The following NXPH1 variants were observed in gnomAD, a reference collection of about 807,000 sequenced individuals.
NXPH1 encodes the protein neurexophilin-1.
NXPH1 carries 5 observed loss-of-function variants against 23.7 expected under a neutral mutation model. The observed-to-expected ratio is 0.21, with a 90% CI of 0.11 to 0.44. The LOEUF (loss-of-function observed/expected upper bound fraction) is 0.44, where lower values mean the gene tolerates loss of function less well. NXPH1 is among the 20% of genes least tolerant of loss of function. The pLI is 0.99. For synonymous variants in NXPH1, 144 were observed against 122.2 expected (o/e 1.18, Z -1.18); for missense variants, 324 against 321.6 (o/e 1.01, Z -0.06).
intron 2 of NXPH1, among the ~76,000 whole-genome samples, chr7:8,542,314 T>A (rs1818130187): frequency 6.6e-6 from 1 of 151,506 alleles, no homozygotes; most frequent in African/African-American, 2.4e-5. Flanking sequence ...GTATCTAATT[T>A]CAGAGCTTCA....
At chr7:8,724,612 C>T (rs1760729256) in intron 2 of NXPH1, among the ~76,000 whole-genome samples, 2 of 152,152 alleles carry the variant, frequency 1.3e-5, no homozygotes, top group South Asian at 4.1e-4. Flanking sequence ...GTTATGTCTG[C>T]CTCATTCTCT....
chr7:8,537,378 G>T (rs903210408), intron 2 of NXPH1, among the ~76,000 whole-genome samples: 1 of 151,942 alleles, frequency 6.6e-6, no homozygotes, highest in Non-Finnish European at 1.5e-5. Flanking sequence ...TTGACAATTT[G>T]GCATGGCTGG....
At chr7:8,715,704 A>G (rs546835754) in intron 2 of NXPH1, among the ~76,000 whole-genome samples, 2 of 152,296 alleles carry the variant, frequency 1.3e-5, no homozygotes, top group East Asian at 1.9e-4. Context: ...CGGGTTAGAT[A>G]AGAGTCTTCA....
chr7:8,607,017 A>G (rs1050206346), intron 2 of NXPH1, among the ~76,000 whole-genome samples: 1 of 152,118 alleles, frequency 6.6e-6, no homozygotes, highest in African/African-American at 2.4e-5. Flanking sequence ...CTGAGGACAT[A>G]TTTTATTGAA....
chr7:8,688,528 G>A (rs913616481), intron 2 of NXPH1, among the ~76,000 whole-genome samples: 1 of 152,202 alleles, frequency 6.6e-6, no homozygotes, highest in Admixed American at 6.5e-5. Flanking sequence ...GAATTGGGAA[G>A]TACAGTTAAA....
chr7:8,610,788 C>T (rs2128629435), intron 2 of NXPH1, among the ~76,000 whole-genome samples: 1 of 151,634 alleles, frequency 6.6e-6, no homozygotes. Flanking sequence ...TTTTAAATCC[C>T]ATCTCCATAG....
At chr7:8,594,373 GC>G (rs1162946229) in intron 2 of NXPH1, among the ~76,000 whole-genome samples, 1 of 152,070 alleles carries the variant, frequency 6.6e-6, no homozygotes, top group Non-Finnish European at 1.5e-5. Flanking sequence ...ATGGTAAACA[GC>G]TGGTAAAGAT....
chr7:8,474,584 G>A (rs956057735), intron 2 of NXPH1, among the ~76,000 whole-genome samples: 16 of 152,096 alleles, frequency 1.1e-4, no homozygotes, highest in Non-Finnish European at 1.5e-5. Context: ...ACAGGTTGAT[G>A]CTCTGCAAAC....
rs954015112 is a variant in NXPH1 at position 8,611,458 on chromosome 7, T to C, written c.55-139550T>C. ...AAGAAATGAGCATAAAGTAAGAATATTGACAGAGGAAGGGAGACAGAGAAT... is the reference window on the plus strand; with the variant it reads ...AAGAAATGAGCATAAAGTAAGAATACTGACAGAGGAAGGGAGACAGAGAAT... On this transcript the variant is annotated intron_variant, in intron 2 of 2. Transcript: ENST00000405863. Among the ~76,000 whole-genome samples, 4 of 152,200 alleles carry C rather than the reference T, an allele frequency of 2.6e-5. No homozygotes were observed. In the East Asian group the frequency reaches 5.8e-4, roughly 22 times the overall value.
chr7:8,530,163 C>T (rs1007602095), intron 2 of NXPH1, among the ~76,000 whole-genome samples: 3 of 152,138 alleles, frequency 2.0e-5, no homozygotes, highest in Non-Finnish European at 4.4e-5. Flanking sequence ...TGGAAGTGGA[C>T]TTACCCTATG....
At chr7:8,450,164 A>C (rs962704746) in intron 2 of NXPH1, among the ~76,000 whole-genome samples, 1 of 152,314 alleles carries the variant, frequency 6.6e-6, no homozygotes, top group South Asian at 2.1e-4. Flanking sequence ...ATTATTTGCC[A>C]TGTCTTGGCA....
intron 2 of NXPH1, among the ~76,000 whole-genome samples, chr7:8,672,855 G>A (rs1410367579): frequency 6.6e-6 from 1 of 152,060 alleles, no homozygotes; most frequent in Non-Finnish European, 1.5e-5. Flanking sequence ...TACTTTTCTT[G>A]GCCTGAGCAT....
chr7:8,438,955 C>G (rs893512072), intron 2 of NXPH1, among the ~76,000 whole-genome samples: 2 of 152,078 alleles, frequency 1.3e-5, no homozygotes, highest in African/African-American at 2.4e-5. Context: ...CTGGAATACT[C>G]AAAATCCACC....
At chr7:8,659,854 G>A (rs1206008808) in intron 2 of NXPH1, among the ~76,000 whole-genome samples, 3 of 152,186 alleles carry the variant, frequency 2.0e-5, no homozygotes, top group African/African-American at 7.2e-5. Flanking sequence ...ACCTGAGGGT[G>A]CACAGCACAG....
At chr7:8,460,275 C>G (rs1291426287) in intron 2 of NXPH1, among the ~76,000 whole-genome samples, 2 of 152,084 alleles carry the variant, frequency 1.3e-5, no homozygotes, top group African/African-American at 4.8e-5. Context: ...TACCTCTGAT[C>G]TTTTTTATTC....
intron 2 of NXPH1, among the ~76,000 whole-genome samples, chr7:8,603,290 TA>T (rs1391813444): frequency 2.6e-5 from 4 of 152,228 alleles, no homozygotes; most frequent in African/African-American, 4.8e-5. Flanking sequence ...TTCAGTAGTA[TA>T]AAGCATTTTG....
chr7:8,646,554 C>T (rs773107368), intron 2 of NXPH1, among the ~76,000 whole-genome samples: 6 of 152,046 alleles, frequency 3.9e-5, no homozygotes, highest in Non-Finnish European at 8.8e-5. Context: ...AGAAATATGA[C>T]TATAGGCTTT....
chr7:8,441,823 A>G (rs1394563874), intron 2 of NXPH1, among the ~76,000 whole-genome samples: 1 of 151,968 alleles, frequency 6.6e-6, no homozygotes, highest in Non-Finnish European at 1.5e-5. Context: ...TAAACTTCTG[A>G]TGAGCGCGCT....
rs377646441 is a variant in NXPH1 at position 8,731,606 on chromosome 7, GGT to G, written c.55-19399_55-19398del. Among the ~76,000 whole-genome samples the G allele has an allele frequency of 5.3e-5, 8 of 152,298 alleles. No individual in the cohort carries two copies. In the South Asian group the frequency reaches 1.7e-3, roughly 32 times the overall value. On this transcript the variant is annotated intron_variant, in intron 2 of 2. Transcript: ENST00000405863. Reference sequence around the variant, plus strand: ...TCTGTTGGAGTACTCGGCTGTGTGAGGTGTCAGTCTGCCCCTGTTGGAGGGTG... The same window carrying G: ...TCTGTTGGAGTACTCGGCTGTGTGAGGTCAGTCTGCCCCTGTTGGAGGGTG...
Sources: allele counts gnomAD v4.1 joint callset (sites outside exome capture counted in the v4.1 genomes callset), GRCh38; gene constraint gnomAD v4.1.1; transcripts MANE v1.5; gene names NCBI Gene and HGNC (gene_info 2026-07-23, HGNC 2026-07-21).